RALGPS2: variants seen among roughly 807,000 people sequenced by gnomAD.
RALGPS2 encodes the protein Ral GEF with PH domain and SH3 binding motif 2.
A neutral mutation model predicts 86.8 loss-of-function variants in RALGPS2; 43 were observed. That is an observed-to-expected ratio of 0.50 (90% CI 0.39 to 0.64). The LOEUF is 0.64. RALGPS2 is among the 30% of genes least tolerant of loss of function. RALGPS2 has a pLI of 0.00. For synonymous variants in RALGPS2, 243 were observed against 231.3 expected (o/e 1.05, Z -0.46); for missense variants, 536 against 694.6 (o/e 0.77, Z 2.57).
intron 9 of RALGPS2, among the ~76,000 whole-genome samples, chr1:178,878,258 A>C (rs1659082036): frequency 6.6e-6 from 1 of 152,150 alleles, no homozygotes; most frequent in Admixed American, 6.5e-5. Context: ...CCAGTTTGAT[A>C]GGAAATAAAG....
chr1:178,818,163 C>A (rs911822977), intron 6 of RALGPS2, among the ~76,000 whole-genome samples: 5 of 152,078 alleles, frequency 3.3e-5, no homozygotes, highest in African/African-American at 1.2e-4. Flanking sequence ...GAGTTTGAGA[C>A]CAGCTGGTCA....
At chr1:178,911,461 A>G (rs1395133585) in intron 19 of RALGPS2, among the ~76,000 whole-genome samples, 1 of 152,066 alleles carries the variant, frequency 6.6e-6, no homozygotes, top group Non-Finnish European at 1.5e-5. Context: ...TCATAATTTC[A>G]TTCTTTACCC....
chr1:178,910,322 G>A (rs923572503), intron 19 of RALGPS2, among the ~76,000 whole-genome samples: 1 of 152,138 alleles, frequency 6.6e-6, no homozygotes, highest in African/African-American at 2.4e-5. Flanking sequence ...GTTAGAGTGG[G>A]CATCCTTGTC....
At position 178,920,692 on chromosome 1, in the gene RALGPS2, T is replaced by C. The variant is rs1051363501; in HGVS notation, c.*4333T>C. ...GAAGAGCACTCTTCAGCCAAGTTCATTTTTATTTTGTTGTTGATGTTTTGA... is the reference window on the plus strand; with the variant it reads ...GAAGAGCACTCTTCAGCCAAGTTCACTTTTATTTTGTTGTTGATGTTTTGA... On this transcript the variant is annotated 3_prime_UTR_variant, in exon 20 of 20. Coordinates refer to ENST00000367635, the MANE Select transcript of RALGPS2 (RefSeq NM_152663.5). 6.6e-6 allele frequency: 1 copy of C among 152,006 alleles called. No individual in the cohort carries two copies. Among genetic ancestry groups the C allele is most frequent in the Admixed American group, 6.6e-5 (1 of 15,252 alleles). The allele number at this position is 152,006 out of a possible 1,614,324, so 9.4% of individuals were successfully genotyped here.
chr1:178,757,685 C>T (rs370219239), intron 1 of RALGPS2, among the ~76,000 whole-genome samples: 3 of 152,120 alleles, frequency 2.0e-5, no homozygotes, highest in South Asian at 2.1e-4. Flanking sequence ...CTGCTGGATT[C>T]GGCTTGCTAG....
intron 6 of RALGPS2, among the ~76,000 whole-genome samples, chr1:178,815,397 T>C (rs1281087971): frequency 6.6e-6 from 1 of 152,156 alleles, no homozygotes; most frequent in African/African-American, 2.4e-5. Context: ...CTTCTATTGA[T>C]TTTTGTAGGA....
intron 8 of RALGPS2, among the ~76,000 whole-genome samples, chr1:178,859,837 C>A (rs1292910842): frequency 7.5e-6 from 1 of 133,374 alleles, no homozygotes; most frequent in African/African-American, 2.7e-5. Flanking sequence ...CCCCCCCAAC[C>A]GCCCAAGTAG....
chr1:178,760,904 G>A (rs1005713878), intron 1 of RALGPS2, among the ~76,000 whole-genome samples: 6 of 151,234 alleles, frequency 4.0e-5, no homozygotes, highest in South Asian at 2.1e-4. Context: ...TCTTCTTCTC[G>A]GTCTCTTTCA....
In RALGPS2 at chr1:178,919,555, T is replaced by G. The variant is rs1660917853; in HGVS notation, c.*3196T>G. The G allele has an allele frequency of 6.6e-6, 1 of 152,040 alleles. No homozygotes were observed. Among genetic ancestry groups the G allele is most frequent in the African/African-American group, 2.4e-5 (1 of 41,436 alleles). 9.4% of individuals were successfully genotyped at this position (152,040 alleles called of 1,614,324 possible). A position where few individuals can be genotyped will look rare whatever the true frequency, so the allele number is the denominator to read the frequency against. ...TCTAGCTTTCCTTATTAGCTTAAAC[T>G]GGGGCCCTCAAAGAGCAGCCTGTTG... On this transcript the variant is annotated 3_prime_UTR_variant, in exon 20 of 20. Transcript: ENST00000367635.
chr1:178,910,669 T>C (rs1660585344), intron 19 of RALGPS2, among the ~76,000 whole-genome samples: 1 of 152,190 alleles, frequency 6.6e-6, no homozygotes, highest in Non-Finnish European at 1.5e-5. Flanking sequence ...TTAGCTAATA[T>C]TTTGTTGAGA....
At chr1:178,739,408 G>A (rs1300463051) in intron 1 of RALGPS2, among the ~76,000 whole-genome samples, 1 of 152,184 alleles carries the variant, frequency 6.6e-6, no homozygotes. Context: ...AGATTGAAGA[G>A]CATTAGCAGG....
At chr1:178,836,088 T>G (rs778063055) in intron 8 of RALGPS2, among the ~76,000 whole-genome samples, 4 of 152,190 alleles carry the variant, frequency 2.6e-5, no homozygotes, top group African/African-American at 4.8e-5. Context: ...ATTGAAGCTG[T>G]GTACGTCTGT....
chr1:178,737,091 A>C (rs1038438042), intron 1 of RALGPS2, among the ~76,000 whole-genome samples: 5 of 152,290 alleles, frequency 3.3e-5, no homozygotes, highest in African/African-American at 1.2e-4. Context: ...ATTTCATTGA[A>C]TCTAAAATGG....
At chr1:178,878,864 G>T (rs550315801) in intron 9 of RALGPS2, 38 bp from the exon 10 acceptor site, 1 of 1,602,476 alleles carries the variant, frequency 6.2e-7, no homozygotes, top group East Asian at 2.3e-5. Context: ...TGGTTAAGAT[G>T]TACTTTATCA....
At chr1:178,767,122 A>G (rs1276086071) in intron 1 of RALGPS2, among the ~76,000 whole-genome samples, 2 of 151,942 alleles carry the variant, frequency 1.3e-5, no homozygotes, top group Admixed American at 6.6e-5. Context: ...GTTTTATTCT[A>G]TTTCTTAGAA....
At chr1:178,850,011 A>G (rs1393886823) in intron 8 of RALGPS2, 2 of 152,700 alleles carry the variant, frequency 1.3e-5, no homozygotes, top group Admixed American at 6.5e-5. Flanking sequence ...AAAGTTGTTG[A>G]TTGCAAAGAT....
chr1:178,852,933 G>T, intron 8 of RALGPS2: 1 of 1,611,584 alleles, frequency 6.2e-7, no homozygotes, highest in Non-Finnish European at 8.5e-7. Flanking sequence ...AGTATTCTCC[G>T]TCAATGTTTC....
chr1:178,773,203 G>A (rs1652891572), intron 1 of RALGPS2, among the ~76,000 whole-genome samples: 1 of 152,144 alleles, frequency 6.6e-6, no homozygotes. Flanking sequence ...TAAACAGTTA[G>A]CTGGGCATGG....
chr1:178,761,875 A>G (rs1652261774), intron 1 of RALGPS2, among the ~76,000 whole-genome samples: 1 of 152,022 alleles, frequency 6.6e-6, no homozygotes, highest in African/African-American at 2.4e-5. Context: ...TTTAAATTTT[A>G]TTTTATTTTA....
Sources: allele counts gnomAD v4.1 joint callset (sites outside exome capture counted in the v4.1 genomes callset), GRCh38; gene constraint gnomAD v4.1.1; transcripts MANE v1.5; gene names NCBI Gene and HGNC (gene_info 2026-07-23, HGNC 2026-07-21).